The following FBN1 variants were observed in gnomAD, a reference collection of about 807,000 sequenced individuals.
FBN1 encodes fibrillin-1.
FBN1 carries 29 observed loss-of-function variants against 365.1 expected under a neutral mutation model. The ratio of observed to expected loss-of-function variants is 0.08; its 90% confidence interval spans 0.06 to 0.11. The LOEUF (loss-of-function observed/expected upper bound fraction) is 0.11, where lower values mean the gene tolerates loss of function less well. Among genes scored for constraint, FBN1 ranks in the 10% least tolerant of loss-of-function variants. FBN1 has a pLI of 1.00. For synonymous variants in FBN1, 1,210 were observed against 1,270.5 expected (o/e 0.95, Z 1.01); for missense variants, 2,476 against 3,703.2 (o/e 0.67, Z 8.60).
chr15:48,470,369 T>C (rs970264405), intron 36 of FBN1, among the ~76,000 whole-genome samples: 1 of 152,150 alleles, frequency 6.6e-6, no homozygotes, highest in African/African-American at 2.4e-5. Flanking sequence ...GCTACACCAC[T>C]AGAGCACCCC....
At chr15:48,586,941 T>C (rs1240729485) in intron 6 of FBN1, among the ~76,000 whole-genome samples, 3 of 152,192 alleles carry the variant, frequency 2.0e-5, no homozygotes, top group Admixed American at 2.0e-4. Context: ...AATTCTAAAA[T>C]TCATGGGCTT....
rs772438692 is a variant in FBN1, at chr15:48,470,591, C to A, written c.4459+43G>T. 26 of 1,612,474 alleles carry A rather than the reference C, an allele frequency of 1.6e-5. No homozygotes were observed. In the East Asian group the frequency reaches 5.8e-4, roughly 36 times the overall value. ...GGGAGGCTCCAATAGCTGGGTCCCCCGGGACACCAGGGAGCTGATTTTGAT... is the reference window on the plus strand; with the variant it reads ...GGGAGGCTCCAATAGCTGGGTCCCCAGGGACACCAGGGAGCTGATTTTGAT... On this transcript the variant is annotated intron_variant, in intron 36 of 65. Transcript: ENST00000316623.
At chr15:48,585,014 A>G (rs2044424521) in intron 6 of FBN1, among the ~76,000 whole-genome samples, 1 of 152,268 alleles carries the variant, frequency 6.6e-6, no homozygotes, top group Non-Finnish European at 1.5e-5. Flanking sequence ...TAGTTTAAAG[A>G]ATATATCATT....
intron 27 of FBN1, 101 bp downstream of exon 27, chr15:48,488,012 T>C: frequency 2.7e-6 from 4 of 1,457,098 alleles, no homozygotes; most frequent in Non-Finnish European, 3.8e-6. Flanking sequence ...CTTCACTGGT[T>C]GCACTGGGGC....
chr15:48,538,571 A>G (rs1267451585), intron 6 of FBN1, among the ~76,000 whole-genome samples: 1 of 151,910 alleles, frequency 6.6e-6, no homozygotes, highest in Non-Finnish European at 1.5e-5. Context: ...ACCACCAGCT[A>G]TAAGATCTGC....
At chr15:48,426,768 A>G (rs192621887) in intron 58 of FBN1, among the ~76,000 whole-genome samples, 15 of 152,238 alleles carry the variant, frequency 9.9e-5, no homozygotes, top group African/African-American at 3.1e-4. Flanking sequence ...TCTTATTGCT[A>G]CATCCTCCAA....
chr15:48,489,724 A>T lies in FBN1; in HGVS notation c.3082+127T>A, dbSNP rs2043539826. The T allele has an allele frequency of 6.4e-6, 5 of 782,282 alleles. No individual in the cohort carries two copies. The Admixed American group carries it at 6.8e-5, about 11-fold the overall frequency. The allele number at this position is 782,282 out of a possible 1,614,324, so 48.5% of individuals were successfully genotyped here. On this transcript the variant is annotated intron_variant, in intron 25 of 65. Coordinates refer to ENST00000316623, the MANE Select transcript of FBN1 (RefSeq NM_000138.5). The stretch of plus-strand genomic sequence containing the variant: ...AAAGTTCATACTTTTCTAAACAAAG[A>T]TAATTATATAATTCAGAAAGCAAAA...
At chr15:48,525,278 G>A (rs998632744) in intron 9 of FBN1, among the ~76,000 whole-genome samples, 1 of 152,066 alleles carries the variant, frequency 6.6e-6, no homozygotes, top group African/African-American at 2.4e-5. Flanking sequence ...GTAGAGACAG[G>A]GTTTCACCAT....
rs564016579 is a variant in FBN1, at chr15:48,476,311, TC to T, written c.3965-1662del. On this transcript the variant is annotated intron_variant, in intron 32 of 65. Coordinates refer to ENST00000316623, the MANE Select transcript of FBN1 (RefSeq NM_000138.5). ...ATTTTTGTGGAGTTTTGCCTAAATT[TC>T]TCTCCTATATTTGTCATGATCTCTG... 7.7e-4 allele frequency among the ~76,000 whole-genome samples: 117 copies of T among 152,290 alleles called. 1 individual carries two copies. The Middle Eastern group carries it at 0.017, about 22-fold the overall frequency.
At chr15:48,612,388 G>A (rs1475876714) in intron 3 of FBN1, among the ~76,000 whole-genome samples, 1 of 152,158 alleles carries the variant, frequency 6.6e-6, no homozygotes, top group East Asian at 1.9e-4. Context: ...CTCATGAAGG[G>A]CAGGCATCAT....
At chr15:48,587,290 G>A (rs1422334386) in intron 6 of FBN1, among the ~76,000 whole-genome samples, 1 of 152,178 alleles carries the variant, frequency 6.6e-6, no homozygotes. Flanking sequence ...AGGATTTCCT[G>A]AATGCCGTCT....
intron 32 of FBN1, among the ~76,000 whole-genome samples, chr15:48,479,707 CTTCA>C (rs1457158229): frequency 6.6e-6 from 1 of 152,234 alleles, no homozygotes; most frequent in East Asian, 1.9e-4. Context: ...GCTGGTGTCA[CTTCA>C]TGCAACTGTA....
At chr15:48,585,414 C>T (rs2044428214) in intron 6 of FBN1, among the ~76,000 whole-genome samples, 1 of 152,076 alleles carries the variant, frequency 6.6e-6, no homozygotes, top group Non-Finnish European at 1.5e-5. Context: ...CATTTTTTTT[C>T]ATGCGTTCAC....
rs180749216 is a variant in FBN1, at chr15:48,617,331, C to T, written c.165-4239G>A. On this transcript the variant is annotated intron_variant, in intron 2 of 65. Coordinates refer to ENST00000316623, the MANE Select transcript of FBN1 (RefSeq NM_000138.5). ...CTGGGGCTACAGGCACACACCACTA[C>T]ACCCAGCTAATTTTTGTATTTTTAG... Among the ~76,000 whole-genome samples the T allele has an allele frequency of 5.9e-4, 90 of 152,126 alleles. 1 individual carries two copies. Among genetic ancestry groups the T allele is most frequent in the Non-Finnish European group, 1.1e-3 (75 of 67,976 alleles).
Position 48,497,400 on chromosome 15 carries a change from CA to C in FBN1, c.2168-10del, listed in dbSNP as rs762586890. 6.2e-7 allele frequency: 1 copy of C among 1,608,840 alleles called. No homozygotes were observed. The highest frequency in any genetic ancestry group is 8.5e-7 in the Non-Finnish European group (1 of 1,175,858). On this transcript the variant is annotated splice_polypyrimidine_tract_variant and intron_variant, in intron 18 of 65. Transcript: ENST00000316623. Reference sequence around the variant, plus strand: ...TGCACATTCATTTATATCTGCACCACAAAAAAGGTCAAAATCAATTAAGATT... The same window carrying C: ...TGCACATTCATTTATATCTGCACCACAAAAAGGTCAAAATCAATTAAGATT...
At chr15:48,625,039 C>T (rs1023043882) in intron 2 of FBN1, among the ~76,000 whole-genome samples, 4 of 152,170 alleles carry the variant, frequency 2.6e-5, no homozygotes, top group Non-Finnish European at 4.4e-5. Context: ...TGGGGTCAGA[C>T]TTAGGAGAAA....
At position 48,485,490 on chromosome 15, in the gene FBN1, TC is replaced by T. The variant is rs1348343235; in HGVS notation, c.3595del (p.Asp1199MetfsTer5). On this transcript the variant is annotated frameshift_variant, in exon 30 of 66. Coordinates refer to ENST00000316623, the MANE Select transcript of FBN1 (RefSeq NM_000138.5). LOFTEE classifies it high-confidence loss of function. ...TPDRLFCVDIDECSIMNGGCE... is the reference protein window; with the variant it reads ...TPDRLFCVDIXECSIMNGGCE... ...ACCACCATTCATTATGCTGCATTCA[TC>T]AATGTCTAAAAGAAATGAAAATAAT... 1 of 1,614,092 alleles carries T rather than the reference TC, an allele frequency of 6.2e-7. No homozygotes were observed. The highest frequency in any genetic ancestry group is 8.5e-7 in the Non-Finnish European group (1 of 1,180,036).
rs139349103 is a variant in FBN1, at chr15:48,509,496, T to C, written c.1714+548A>G. 3.0e-3 allele frequency among the ~76,000 whole-genome samples: 443 copies of C among 147,810 alleles called. 14 individuals carry two copies. In the East Asian group the frequency reaches 0.069, roughly 23 times the overall value. On this transcript the variant is annotated intron_variant, in intron 14 of 65. Coordinates refer to ENST00000316623, the MANE Select transcript of FBN1 (RefSeq NM_000138.5). Reference sequence around the variant, plus strand: ...ATATATATTATTTATATTTTAGATATATATTATTTATATTTAAATATGTAT... The same window carrying C: ...ATATATATTATTTATATTTTAGATACATATTATTTATATTTAAATATGTAT...
At chr15:48,614,219 C>T (rs747374183) in intron 2 of FBN1, among the ~76,000 whole-genome samples, 9 of 152,140 alleles carry the variant, frequency 5.9e-5, no homozygotes, top group African/African-American at 9.7e-5. Flanking sequence ...TAGCTGCTAG[C>T]GATCAGGGGC....
Sources: gnomAD v4.1 joint callset for allele counts (sites outside exome capture counted in the v4.1 genomes callset) on GRCh38, gnomAD v4.1.1 for gene constraint, MANE v1.5 for transcripts, NCBI Gene and HGNC (gene_info 2026-07-23, HGNC 2026-07-21) for gene names.